RP1: variants seen among roughly 807,000 people sequenced by gnomAD.
RP1 encodes the protein RP1 axonemal microtubule associated, also known as oxygen-regulated protein 1.
RP1 carries 16 observed loss-of-function variants against 14.8 expected under a neutral mutation model. The ratio of observed to expected loss-of-function variants is 1.08; its 90% CI spans 0.73 to 1.65. The LOEUF is 1.65. Among genes scored for constraint, RP1 ranks in the 40% most tolerant of loss-of-function variants. RP1 has a pLI of 0.00. For missense variants in RP1, 2,631 were observed against 2,535.0 expected, an observed-to-expected ratio of 1.04 and a Z score of -0.81; for synonymous variants, 876 against 883.6, an observed-to-expected ratio of 0.99 and a Z score of 0.15.
At chr8:54,605,570 C>T (rs937050888) in intron 1 of RP1, among the ~76,000 whole-genome samples, 4 of 152,008 alleles carry the variant, frequency 2.6e-5, no homozygotes, top group African/African-American at 7.2e-5. Flanking sequence ...TGGTGCAGAG[C>T]TGAGTTCAGT....
chr8:54,648,015 T>C (rs1312828653), intron 3 of RP1, among the ~76,000 whole-genome samples: 3 of 152,132 alleles, frequency 2.0e-5, no homozygotes, highest in Non-Finnish European at 4.4e-5. Context: ...CTCATGATAG[T>C]GAGTTCTCAT....
chr8:54,628,462 TAATC>T lies in RP1; in HGVS notation c.4582_4585del (p.Ile1528ValfsTer10), dbSNP rs1200229021. The T allele has an allele frequency of 1.1e-5, 18 of 1,613,312 alleles. No individual in the cohort carries two copies. Among genetic ancestry groups the T allele is most frequent in the African/African-American group, 6.7e-5 (5 of 74,832 alleles). ...AGAATGAACGGTATAATTTATGAAA[TAATC>T]AGTAAGAGGCTGGCAACACCACCAT... On this transcript the variant is annotated frameshift_variant, in exon 4 of 4. Transcript: ENST00000220676. LOFTEE classifies it low-confidence loss of function (END_TRUNC).
intron 1 of RP1, among the ~76,000 whole-genome samples, chr8:54,602,494 C>G (rs1805316102): frequency 6.6e-6 from 1 of 152,150 alleles, no homozygotes; most frequent in Admixed American, 6.5e-5. Flanking sequence ...CTGCAATAAA[C>G]ATACATGTGT....
At chr8:54,706,591 T>A in exon 15 of RP1, 1 of 1,536,068 alleles carries the variant, frequency 6.5e-7, no homozygotes, top group Non-Finnish European at 8.7e-7. Flanking sequence ...GGGATTTGCA[T>A]GTTTGAAAGT....
At chr8:54,740,403 T>TAAAAAAAAA (rs34753388) in intron 19 of RP1, among the ~76,000 whole-genome samples, 7 of 80,240 alleles carry the variant, frequency 8.7e-5, no homozygotes, top group African/African-American at 2.3e-4. Context: ...GCTTAAAAAG[T>TAAAAAAAAA]AAAAAAAAAA....
intron 24 of RP1, among the ~76,000 whole-genome samples, chr8:54,791,792 A>C (rs1026566599): frequency 6.6e-6 from 1 of 152,148 alleles, no homozygotes; most frequent in South Asian, 2.1e-4. Context: ...ACAATAAGCA[A>C]GGAAGAAAGG....
rs374908029 is a variant in RP1 at position 54,754,815 on chromosome 8, C to T, written c.2821C>T (p.His941Tyr). The change falls in exon 20 of 23, where the codon CAT (histidine) becomes TAT (tyrosine). Residue 941 changes from histidine (H) to tyrosine (Y), a missense_variant. Coordinates refer to the RP1 transcript ENST00000636932. ...CTTCTAATTCCAGGTGACCATGCAA[C>T]ATATGAAAAGCAAGAAGATCCTAGA... 4.4e-5 allele frequency: 67 copies of T among 1,516,810 alleles called. No individual in the cohort carries two copies. In the East Asian group the frequency reaches 1.1e-3, roughly 24 times the overall value. The allele number at this position is 1,516,810 out of a possible 1,614,324, so 94.0% of individuals were successfully genotyped here.
chr8:54,627,527 C>G lies in RP1; in HGVS notation c.3645C>G (p.Val1215=). The stretch of plus-strand genomic sequence containing the variant: ...ATCTTTCTGCAAATTGTTCCACGGT[C>G]AACATTCAGAGTGTTCCTAAGTGCA... ...PIDLSANCST[V]NIQSVPKCSE... Residue 1215 remains valine (V), a synonymous_variant, in exon 4 of 4, where the codon GTC becomes GTG. Transcript: ENST00000220676. 6.2e-7 allele frequency: 1 copy of G among 1,614,132 alleles called. No individual in the cohort carries two copies. The highest frequency in any genetic ancestry group is 8.5e-7 in the Non-Finnish European group (1 of 1,179,984).
chr8:54,671,560 A>C (rs1284815450), intron 7 of RP1, among the ~76,000 whole-genome samples: 1 of 152,054 alleles, frequency 6.6e-6, no homozygotes, highest in African/African-American at 2.4e-5. Flanking sequence ...TGATGATTTC[A>C]AGTGAACTGC....
intron 3 of RP1, among the ~76,000 whole-genome samples, chr8:54,647,784 G>A (rs1806578065): frequency 6.6e-6 from 1 of 151,796 alleles, no homozygotes; most frequent in African/African-American, 2.4e-5. Context: ...TCAAATTCTT[G>A]GGCTCAAGCT....
In RP1 at chr8:54,565,374, G is replaced by T. The variant is rs566838779; in HGVS notation, c.-13+6054G>T. ...GAGGTCAGGAGTTCGAGACCAGCCT[G>T]GCCAACAGGGCGAAACTCCGCCTCT... On this transcript the variant is annotated intron_variant, in intron 1 of 22. Transcript: ENST00000636932. 6.6e-5 allele frequency among the ~76,000 whole-genome samples: 10 copies of T among 152,268 alleles called. No individual in the cohort carries two copies. In the East Asian group the frequency reaches 1.7e-3, roughly 26 times the overall value.
chr8:54,642,921 A>G (rs1806478228), intron 3 of RP1, among the ~76,000 whole-genome samples: 1 of 152,100 alleles, frequency 6.6e-6, no homozygotes. Context: ...TAGATGAAAA[A>G]CAATGTTTTG....
chr8:54,847,943 A>C (rs1254091116), intron 25 of RP1, among the ~76,000 whole-genome samples: 1 of 152,166 alleles, frequency 6.6e-6, no homozygotes, highest in Non-Finnish European at 1.5e-5. Context: ...GTCTCCTCTC[A>C]CTTCTATTAC....
exon 18 of RP1, chr8:54,734,733 G>A: frequency 6.5e-7 from 1 of 1,531,292 alleles, no homozygotes; most frequent in African/African-American, 1.4e-5. Flanking sequence ...AGGACACGAG[G>A]ATGAGTTTCA....
chr8:54,843,350 G>T (rs1021724983), intron 25 of RP1, among the ~76,000 whole-genome samples: 1 of 152,154 alleles, frequency 6.6e-6, no homozygotes, highest in Non-Finnish European at 1.5e-5. Flanking sequence ...CCAAAAGGCT[G>T]GGATTACAGG....
chr8:54,591,172 A>G, intron 1 of RP1, among the ~76,000 whole-genome samples: 1 of 152,198 alleles, frequency 6.6e-6, no homozygotes, highest in East Asian at 1.9e-4. Context: ...CATAGCAACC[A>G]CAATGATCTC....
rs371291077 is a variant in RP1 at position 54,629,749 on chromosome 8, A to G, written c.5867A>G (p.His1956Arg). Residue 1956 changes from histidine (H) to arginine (R), a missense_variant, in exon 4 of 4, where the codon CAC becomes CGC. Coordinates refer to ENST00000220676, the MANE Select transcript of RP1 (RefSeq NM_006269.2). ...GGTTTTTATTTATGGATGAAAATAC[A>G]CCCATATTTACTTCAGACAGACAAA... ...FLGFYLWMKIHPYLLQTDKNV... is the reference protein window; with the variant it reads ...FLGFYLWMKIRPYLLQTDKNV... 108 of 1,610,012 alleles carry G rather than the reference A, an allele frequency of 6.7e-5. No homozygotes were observed. The highest frequency in any genetic ancestry group is 8.4e-5 in the Admixed American group (5 of 59,496).
chr8:54,852,139 C>A (rs1812072781), intron 25 of RP1, among the ~76,000 whole-genome samples: 1 of 151,838 alleles, frequency 6.6e-6, no homozygotes, highest in Non-Finnish European at 1.5e-5. Context: ...GTCAAGAGGG[C>A]TATTAAAAAT....
chr8:54,804,701 A>G (rs1242191649), intron 24 of RP1, among the ~76,000 whole-genome samples: 1 of 152,252 alleles, frequency 6.6e-6, no homozygotes, highest in African/African-American at 2.4e-5. Context: ...TTGATGTAAC[A>G]CCAATACATT....
Sources: allele counts gnomAD v4.1 joint callset (sites outside exome capture counted in the v4.1 genomes callset), GRCh38; gene constraint gnomAD v4.1.1; transcripts MANE v1.5; gene names NCBI Gene and HGNC (gene_info 2026-07-23, HGNC 2026-07-21).